Variants in BANK1 observed in about 807,000 individuals in gnomAD.
The protein encoded by BANK1 is B-cell scaffold protein with ankyrin repeats.
In BANK1, 95 loss-of-function variants were observed where a neutral mutation model predicts 94.5. The observed-to-expected ratio is 1.00, with a 90% CI of 0.85 to 1.19. The LOEUF is 1.19. Ranked by LOEUF, BANK1 falls within the 50% of genes most tolerant of loss-of-function variation. The probability of loss-of-function intolerance (pLI) is 0.00; values close to 1 mark genes in which losing one functional copy is unlikely to be tolerated. For synonymous variants in BANK1, 334 were observed against 308.4 expected, an observed-to-expected ratio of 1.08 and a Z score of -0.87; for missense variants, 987 against 932.2, an observed-to-expected ratio of 1.06 and a Z score of -0.77.
chr4:102,042,160 T>G (rs1361049804), intron 10 of BANK1, among the ~76,000 whole-genome samples: 1 of 152,064 alleles, frequency 6.6e-6, no homozygotes, highest in African/African-American at 2.4e-5. Context: ...TATTAAAATT[T>G]TTAAAGCATT....
intron 9 of BANK1, among the ~76,000 whole-genome samples, chr4:102,028,843 T>A: frequency 6.6e-6 from 1 of 152,134 alleles, no homozygotes; most frequent in East Asian, 1.9e-4. Context: ...ACACCATTGA[T>A]CATCCATGCT....
chr4:101,849,790 C>T (rs562000590), intron 2 of BANK1, among the ~76,000 whole-genome samples: 5 of 152,054 alleles, frequency 3.3e-5, no homozygotes, highest in South Asian at 2.1e-4. Flanking sequence ...ACCCAAGGGC[C>T]GGAAAAACTT....
At chr4:101,820,330 T>C (rs1276270594) in intron 1 of BANK1, among the ~76,000 whole-genome samples, 2 of 152,174 alleles carry the variant, frequency 1.3e-5, no homozygotes, top group Admixed American at 6.5e-5. Flanking sequence ...TTTTGTGGAA[T>C]TTTCTCCCTT....
chr4:102,000,536 ATAGT>A (rs1229029254), intron 7 of BANK1, among the ~76,000 whole-genome samples: 5 of 152,198 alleles, frequency 3.3e-5, no homozygotes, highest in African/African-American at 1.2e-4. Context: ...GGAAGGTGAC[ATAGT>A]TAGACATTCA....
At chr4:101,886,686 T>C (rs1560617016) in intron 5 of BANK1, among the ~76,000 whole-genome samples, 2 of 148,784 alleles carry the variant, frequency 1.3e-5, no homozygotes, top group East Asian at 4.2e-4. Flanking sequence ...ATTAAGTATC[T>C]CCATTAATGA....
chr4:101,857,064 A>T (rs1313445101), intron 3 of BANK1, among the ~76,000 whole-genome samples: 1 of 152,186 alleles, frequency 6.6e-6, no homozygotes, highest in African/African-American at 2.4e-5. Context: ...ACTTGCCACG[A>T]CAACTTTCAG....
intron 2 of BANK1, among the ~76,000 whole-genome samples, chr4:101,835,272 C>T (rs1400068526): frequency 6.6e-6 from 1 of 152,104 alleles, no homozygotes; most frequent in African/African-American, 2.4e-5. Flanking sequence ...TACTTGAATC[C>T]TTCTGGTTTT....
At chr4:101,819,536 A>G (rs1410005507) in intron 1 of BANK1, among the ~76,000 whole-genome samples, 1 of 152,180 alleles carries the variant, frequency 6.6e-6, no homozygotes, top group Non-Finnish European at 1.5e-5. Flanking sequence ...TTACAAATAT[A>G]TACCCTATAT....
chr4:101,928,507 G>T (rs1287773647), intron 7 of BANK1, among the ~76,000 whole-genome samples: 8 of 151,668 alleles, frequency 5.3e-5, no homozygotes, highest in Non-Finnish European at 4.4e-5. Flanking sequence ...CTGTGGCTGA[G>T]ATTTCAGCCT....
intron 6 of BANK1, among the ~76,000 whole-genome samples, chr4:101,915,562 A>G (rs990901966): frequency 9.9e-5 from 15 of 152,132 alleles, no homozygotes; most frequent in African/African-American, 3.6e-4. Flanking sequence ...TACCAAGTAG[A>G]TGTAAATTCT....
At chr4:102,003,026 A>G (rs915526327) in intron 7 of BANK1, among the ~76,000 whole-genome samples, 1 of 152,090 alleles carries the variant, frequency 6.6e-6, no homozygotes, top group African/African-American at 2.4e-5. Context: ...CTCCCAAAGT[A>G]CTGGGATTAC....
chr4:101,994,747 C>A (rs529017216), intron 7 of BANK1, among the ~76,000 whole-genome samples: 1 of 152,088 alleles, frequency 6.6e-6, no homozygotes, highest in African/African-American at 2.4e-5. Flanking sequence ...CATGGTAGTA[C>A]ATTTCTTGTG....
Position 101,805,149 on chromosome 4 carries a change from T to A in BANK1, c.70+14199T>A, listed in dbSNP as rs1010990131. ...TTTGACTGCAGTGGCTATAAACAGA[T>A]TTTTTTCATGTTAGAAATGTTTGTC... On this transcript the variant is annotated intron_variant, in intron 1 of 16. Coordinates refer to ENST00000322953, the MANE Select transcript of BANK1 (RefSeq NM_017935.5). Among the ~76,000 whole-genome samples, 4 of 152,276 alleles carry A rather than the reference T, an allele frequency of 2.6e-5. No individual in the cohort carries two copies. In the East Asian group the frequency reaches 7.7e-4, roughly 29 times the overall value.
intron 1 of BANK1, among the ~76,000 whole-genome samples, chr4:101,815,821 C>A (rs1194501015): frequency 6.6e-6 from 1 of 151,878 alleles, no homozygotes; most frequent in African/African-American, 2.4e-5. Flanking sequence ...AAGGTATAAT[C>A]TACATAAATA....
At chr4:102,020,380 T>C (rs1726855784) in intron 7 of BANK1, among the ~76,000 whole-genome samples, 1 of 152,100 alleles carries the variant, frequency 6.6e-6, no homozygotes, top group Non-Finnish European at 1.5e-5. Flanking sequence ...TATTAGAATT[T>C]AGTGGAGTCC....
intron 10 of BANK1, among the ~76,000 whole-genome samples, chr4:102,043,346 A>C (rs909841728): frequency 2.0e-5 from 3 of 152,060 alleles, no homozygotes; most frequent in African/African-American, 7.2e-5. Flanking sequence ...TGTTTTAATA[A>C]GTCTGCGGTC....
chr4:101,949,764 C>T (rs1178226947), intron 7 of BANK1, among the ~76,000 whole-genome samples: 1 of 151,994 alleles, frequency 6.6e-6, no homozygotes, highest in Admixed American at 6.6e-5. Flanking sequence ...ATAGGATAAA[C>T]GTACAGGAAA....
At chr4:102,052,844 G>A (rs940292404) in intron 11 of BANK1, among the ~76,000 whole-genome samples, 4 of 152,176 alleles carry the variant, frequency 2.6e-5, no homozygotes, top group Admixed American at 2.6e-4. Context: ...AAAATATGGA[G>A]AGGAAATAGC....
At chr4:102,039,852 A>G (rs1475440336) in intron 10 of BANK1, among the ~76,000 whole-genome samples, 1 of 152,058 alleles carries the variant, frequency 6.6e-6, no homozygotes, top group Non-Finnish European at 1.5e-5. Context: ...ATACGAATCT[A>G]TGTATTTTAT....
Sources: allele counts gnomAD v4.1 joint callset (sites outside exome capture counted in the v4.1 genomes callset), GRCh38; gene constraint gnomAD v4.1.1; transcripts MANE v1.5; gene names NCBI Gene and HGNC (gene_info 2026-07-23, HGNC 2026-07-21).